FOXP2: variants seen among roughly 807,000 people sequenced by gnomAD.
FOXP2 encodes forkhead box protein P2.
In FOXP2, 12 loss-of-function variants were observed where a neutral mutation model predicts 115.8. The observed-to-expected ratio is 0.10, with a 90% CI of 0.07 to 0.17. The LOEUF (loss-of-function observed/expected upper bound fraction) is 0.17, where lower values mean the gene tolerates loss of function less well. Ranked by LOEUF, FOXP2 falls within the 10% of genes least tolerant of loss-of-function variation. The pLI is 1.00. For missense variants in FOXP2, 629 were observed against 843.5 expected, an observed-to-expected ratio of 0.75 and a Z score of 3.15; for synonymous variants, 328 against 297.7, an observed-to-expected ratio of 1.10 and a Z score of -1.05.
chr7:114,576,537 G>GAAA (rs1488869959), intron 3 of FOXP2, among the ~76,000 whole-genome samples: 2 of 151,878 alleles, frequency 1.3e-5, no homozygotes. Context: ...TAGTGTGGCA[G>GAAA]AAATTGGGGG....
intron 1 of FOXP2, among the ~76,000 whole-genome samples, chr7:114,257,864 A>G (rs970187284): frequency 6.6e-6 from 1 of 152,174 alleles, no homozygotes; most frequent in South Asian, 2.1e-4. Context: ...ATTCCCTTAC[A>G]TGGGAGCATG....
chr7:114,636,078 C>A (rs988353402), intron 6 of FOXP2, among the ~76,000 whole-genome samples: 2 of 151,964 alleles, frequency 1.3e-5, no homozygotes, highest in African/African-American at 4.8e-5. Context: ...TAAAGATAGG[C>A]ATTGTATCTG....
At chr7:114,159,025 G>A (rs1484090514), upstream of FOXP2, among the ~76,000 whole-genome samples, 1 of 152,102 alleles carries the variant, frequency 6.6e-6, no homozygotes, top group African/African-American at 2.4e-5. Flanking sequence ...GGTTAGGGGA[G>A]GGTTGTGGAC....
intron 1 of FOXP2, among the ~76,000 whole-genome samples, chr7:114,212,129 A>ATG: frequency 7.8e-6 from 1 of 128,878 alleles, no homozygotes; most frequent in South Asian, 2.7e-4. Flanking sequence ...TAAAATATAT[A>ATG]TATATATTCT....
intron 1 of FOXP2, among the ~76,000 whole-genome samples, chr7:114,253,299 C>G (rs796906077): frequency 3.3e-5 from 5 of 151,588 alleles, no homozygotes; most frequent in South Asian, 4.2e-4. Context: ...CTGTAGATGT[C>G]TATTAGGTCC....
At chr7:114,270,256 T>G (rs934520135) in intron 1 of FOXP2, among the ~76,000 whole-genome samples, 1 of 152,178 alleles carries the variant, frequency 6.6e-6, no homozygotes, top group Non-Finnish European at 1.5e-5. Context: ...CAAGTTTTGG[T>G]AATTATGAAT....
At chr7:114,130,848 G>A (rs2129145210) in intron 1 of FOXP2, among the ~76,000 whole-genome samples, 1 of 152,282 alleles carries the variant, frequency 6.6e-6, no homozygotes, top group East Asian at 1.9e-4. Context: ...TTTTGAAAAG[G>A]AAATGTTGGC....
chr7:114,554,136 G>A (rs1476045564), intron 3 of FOXP2, among the ~76,000 whole-genome samples: 1 of 151,848 alleles, frequency 6.6e-6, no homozygotes. Context: ...TTTAAATATG[G>A]CTTCTAAAAA....
chr7:114,409,720 T>A (rs1793120220), upstream of FOXP2, among the ~76,000 whole-genome samples: 1 of 152,180 alleles, frequency 6.6e-6, no homozygotes, highest in African/African-American at 2.4e-5. Flanking sequence ...TGTTTTCCAA[T>A]TGATTTTGGC....
At chr7:114,328,013 T>G (rs1199606125) in intron 2 of FOXP2, among the ~76,000 whole-genome samples, 1 of 151,676 alleles carries the variant, frequency 6.6e-6, no homozygotes, top group Non-Finnish European at 1.5e-5. Flanking sequence ...CTCAACTTTC[T>G]GGGATCCATC....
intron 3 of FOXP2, among the ~76,000 whole-genome samples, chr7:114,537,993 TAA>T (rs1006995896): frequency 4.6e-5 from 7 of 151,672 alleles, no homozygotes; most frequent in Admixed American, 2.0e-4. Context: ...CTTCTCACTT[TAA>T]TTTGTTTTAT....
At chr7:114,664,133 A>AT (rs1222366599) in intron 15 of FOXP2, 140 bp from the exon 16 acceptor site, 41 of 967,364 alleles carry the variant, frequency 4.2e-5, no homozygotes, top group African/African-American at 1.5e-4. Flanking sequence ...CCAGTTAGGA[A>AT]TTTTTTTTCA....
At chr7:114,490,045 C>T (rs1796962851) in intron 2 of FOXP2, among the ~76,000 whole-genome samples, 1 of 152,082 alleles carries the variant, frequency 6.6e-6, no homozygotes, top group African/African-American at 2.4e-5. Context: ...TAAACATATT[C>T]TATATGATCA....
Position 114,367,207 on chromosome 7 carries a change from G to T in FOXP2, c.-10-59295G>T, listed in dbSNP as rs527953132. Among the ~76,000 whole-genome samples the T allele has an allele frequency of 8.5e-5, 13 of 152,124 alleles. No individual in the cohort carries two copies. In the East Asian group the frequency reaches 2.5e-3, roughly 29 times the overall value. ...AACAAAGCCCATGAATGAATAAAGT[G>T]GTCTCTTAGCAATAAATAAGGAAGT... On this transcript the variant is annotated intron_variant, in intron 2 of 17. Coordinates refer to the FOXP2 transcript ENST00000634411.
At chr7:114,471,213 A>T (rs906084304) in intron 2 of FOXP2, among the ~76,000 whole-genome samples, 20 of 152,362 alleles carry the variant, frequency 1.3e-4, no homozygotes, top group African/African-American at 4.3e-4. Flanking sequence ...AATAAAATTT[A>T]AAAATAATTG....
chr7:114,469,650 G>C (rs764930019), intron 2 of FOXP2, among the ~76,000 whole-genome samples: 2 of 152,136 alleles, frequency 1.3e-5, no homozygotes, highest in South Asian at 4.1e-4. Flanking sequence ...CAGATGTTTT[G>C]TGCATTAGGA....
chr7:114,612,673 G>A (rs1454820675), intron 3 of FOXP2, among the ~76,000 whole-genome samples: 2 of 152,088 alleles, frequency 1.3e-5, no homozygotes, highest in African/African-American at 4.8e-5. Flanking sequence ...CATTTTTTAT[G>A]TTCCTATAAC....
At chr7:114,386,486 G>T (rs554082947) in intron 2 of FOXP2, among the ~76,000 whole-genome samples, 1 of 152,306 alleles carries the variant, frequency 6.6e-6, no homozygotes, top group Admixed American at 6.5e-5. Flanking sequence ...GATCATAGAA[G>T]TCCTATAAAC....
At chr7:114,613,163 C>CTAAAAAA (rs1236931596) in intron 3 of FOXP2, among the ~76,000 whole-genome samples, 1 of 152,086 alleles carries the variant, frequency 6.6e-6, no homozygotes, top group Non-Finnish European at 1.5e-5. Context: ...ATCATAACTG[C>CTAAAAAA]ATTTAGAATT....
Sources: allele counts gnomAD v4.1 joint callset (sites outside exome capture counted in the v4.1 genomes callset), GRCh38; gene constraint gnomAD v4.1.1; transcripts MANE v1.5; gene names NCBI Gene and HGNC (gene_info 2026-07-23, HGNC 2026-07-21).